ADAMTS17: variants seen among roughly 807,000 people sequenced by gnomAD.
ADAMTS17 encodes A disintegrin and metalloproteinase with thrombospondin motifs 17.
ADAMTS17 carries 113 observed loss-of-function variants against 141.5 expected under a neutral mutation model. The observed-to-expected ratio is 0.80, with a 90% confidence interval of 0.69 to 0.93. The LOEUF (loss-of-function observed/expected upper bound fraction) is 0.93. Ranked by LOEUF, ADAMTS17 falls within the 40% of genes least tolerant of loss-of-function variation. ADAMTS17 has a pLI of 0.00. For missense variants in ADAMTS17, 1,659 were observed against 1,517.9 expected (o/e 1.09, Z -1.54); for synonymous variants, 768 against 630.6 (o/e 1.22, Z -3.27).
At chr15:100,088,331 A>T (rs1268911108) in intron 15 of ADAMTS17, among the ~76,000 whole-genome samples, 3 of 152,208 alleles carry the variant, frequency 2.0e-5, no homozygotes, top group Non-Finnish European at 4.4e-5. Context: ...GCTCAATGAA[A>T]TAAAAGAGGA....
At chr15:100,335,067 G>A (rs573079199) in intron 2 of ADAMTS17, among the ~76,000 whole-genome samples, 4 of 152,124 alleles carry the variant, frequency 2.6e-5, no homozygotes, top group African/African-American at 7.2e-5. Flanking sequence ...CTCCCAGGAC[G>A]GCAGCATCAG....
chr15:99,999,499 C>T (rs111982107), intron 18 of ADAMTS17, among the ~76,000 whole-genome samples: 8 of 151,950 alleles, frequency 5.3e-5, no homozygotes, highest in African/African-American at 1.9e-4. Context: ...GTGCAAAGGC[C>T]CTGGTGGAGG....
chr15:100,069,743 G>A (rs2033830948), intron 15 of ADAMTS17, among the ~76,000 whole-genome samples: 1 of 150,550 alleles, frequency 6.6e-6, no homozygotes, highest in African/African-American at 2.4e-5. Flanking sequence ...CCTGAAGGAA[G>A]CACTAAACAT....
At chr15:100,065,251 T>A (rs1301870065) in intron 15 of ADAMTS17, among the ~76,000 whole-genome samples, 7 of 152,234 alleles carry the variant, frequency 4.6e-5, no homozygotes, top group Admixed American at 4.6e-4. Context: ...TATATCATTT[T>A]ATGTGAAAAG....
intron 15 of ADAMTS17, among the ~76,000 whole-genome samples, chr15:100,075,562 G>C (rs990858002): frequency 2.6e-5 from 4 of 152,118 alleles, no homozygotes; most frequent in African/African-American, 9.7e-5. Context: ...CCTATTATTA[G>C]GTTCTCTAAA....
intron 2 of ADAMTS17, among the ~76,000 whole-genome samples, chr15:100,336,411 T>G (rs1163562789): frequency 6.6e-6 from 1 of 152,212 alleles, no homozygotes; most frequent in Admixed American, 6.5e-5. Flanking sequence ...CCTCCAATAC[T>G]TCCGTGCCTC....
intron 7 of ADAMTS17, among the ~76,000 whole-genome samples, chr15:100,222,355 G>A (rs73479372): frequency 1.3e-5 from 2 of 152,056 alleles, no homozygotes; most frequent in Admixed American, 6.5e-5. Flanking sequence ...GCCAGCCCAC[G>A]TAGATGAAAG....
chr15:100,123,928 G>A (rs1171374328), intron 12 of ADAMTS17, among the ~76,000 whole-genome samples: 1 of 151,912 alleles, frequency 6.6e-6, no homozygotes, highest in African/African-American at 2.4e-5. Context: ...TTTTTAATTT[G>A]AATTTTTACT....
At chr15:99,981,220 C>G (rs561034816) in intron 20 of ADAMTS17, among the ~76,000 whole-genome samples, 2 of 152,308 alleles carry the variant, frequency 1.3e-5, no homozygotes, top group South Asian at 4.2e-4. Flanking sequence ...ATTATCTTTC[C>G]TAGCATGGGT....
chr15:100,065,893 TG>T (rs1195748945), intron 15 of ADAMTS17, among the ~76,000 whole-genome samples: 2 of 152,146 alleles, frequency 1.3e-5, no homozygotes, highest in Admixed American at 6.5e-5. Context: ...CTCAACAGGC[TG>T]GGGGGTGTAT....
chr15:100,049,902 T>G (rs1428206533), intron 17 of ADAMTS17, among the ~76,000 whole-genome samples: 1 of 152,234 alleles, frequency 6.6e-6, no homozygotes. Context: ...ATATATGGTG[T>G]CCATAGAACA....
intron 7 of ADAMTS17, among the ~76,000 whole-genome samples, chr15:100,245,451 C>T (rs2042958157): frequency 6.6e-6 from 1 of 152,254 alleles, no homozygotes; most frequent in African/African-American, 2.4e-5. Context: ...CATGCACAGC[C>T]CTGTGTTTTG....
intron 8 of ADAMTS17, among the ~76,000 whole-genome samples, chr15:100,172,327 T>C (rs2040190837): frequency 1.3e-5 from 2 of 152,244 alleles, no homozygotes; most frequent in Admixed American, 6.5e-5. Flanking sequence ...TATTGTTGGA[T>C]GCAGTGAATT....
At chr15:100,165,384 G>A (rs541685637) in intron 8 of ADAMTS17, among the ~76,000 whole-genome samples, 6 of 152,250 alleles carry the variant, frequency 3.9e-5, no homozygotes, top group East Asian at 1.9e-4. Context: ...TACCCACAGC[G>A]TGCCTCCCCC....
chr15:100,241,221 A>G (rs2042818149), intron 7 of ADAMTS17, among the ~76,000 whole-genome samples: 2 of 152,212 alleles, frequency 1.3e-5, no homozygotes, highest in Non-Finnish European at 2.9e-5. Flanking sequence ...TTCTTCCCCT[A>G]CAACTCCAAG....
chr15:100,004,240 C>A (rs773914120), intron 18 of ADAMTS17, among the ~76,000 whole-genome samples: 1 of 152,216 alleles, frequency 6.6e-6, no homozygotes, highest in Non-Finnish European at 1.5e-5. Context: ...CACTCCGCAG[C>A]GTATTTTAGC....
intron 7 of ADAMTS17, among the ~76,000 whole-genome samples, 200 bp from the exon 8 acceptor site, chr15:100,199,623 T>C (rs1266942085): frequency 1.3e-5 from 2 of 152,138 alleles, no homozygotes; most frequent in Non-Finnish European, 2.9e-5. Flanking sequence ...ACCGCAAGCA[T>C]CCATCAGGCA....
intron 18 of ADAMTS17, among the ~76,000 whole-genome samples, chr15:99,998,460 C>T (rs766610463): frequency 5.9e-4 from 89 of 152,036 alleles, no homozygotes; most frequent in Non-Finnish European, 6.2e-4. Context: ...CAAAATTATC[C>T]AGGCGTGGTG....
intron 18 of ADAMTS17, among the ~76,000 whole-genome samples, chr15:100,031,106 T>C (rs981451471): frequency 1.3e-5 from 2 of 152,210 alleles, no homozygotes; most frequent in Non-Finnish European, 2.9e-5. Context: ...TGTTTACAGA[T>C]GGCAAGATCA....
Sources: allele counts gnomAD v4.1 joint callset (sites outside exome capture counted in the v4.1 genomes callset), GRCh38; gene constraint gnomAD v4.1.1; transcripts MANE v1.5; gene names NCBI Gene and HGNC (gene_info 2026-07-23, HGNC 2026-07-21).